MYEF2: variants seen among roughly 807,000 people sequenced by gnomAD.
MYEF2 encodes myelin expression factor 2, also known as myelin gene expression factor 2.
A neutral mutation model predicts 75.2 loss-of-function variants in MYEF2; 37 were observed. That is an observed-to-expected ratio of 0.49 (90% CI 0.38 to 0.65). The LOEUF is 0.65. Ranked by LOEUF, MYEF2 falls within the 30% of genes least tolerant of loss-of-function variation. The pLI, the probability that MYEF2 is intolerant of heterozygous loss-of-function variation, is 0.00. For synonymous variants in MYEF2, 195 were observed against 241.6 expected (o/e 0.81, Z 1.79); for missense variants, 634 against 771.4 (o/e 0.82, Z 2.11).
chr15:48,153,434 C>T (rs1282520669), intron 10 of MYEF2: 1 of 154,748 alleles, frequency 6.5e-6, no homozygotes, highest in Non-Finnish European at 1.4e-5. Context: ...TGAAAAGCCA[C>T]CTTCCCAAAT....
At chr15:48,177,524 G>C (rs558296653) in intron 1 of MYEF2, among the ~76,000 whole-genome samples, 180 of 152,140 alleles carry the variant, frequency 1.2e-3, no homozygotes, top group African/African-American at 4.2e-3. Flanking sequence ...GAGTCTAACA[G>C]CACATTATTA....
chr15:48,161,487 T>C (rs1474663811), intron 5 of MYEF2, among the ~76,000 whole-genome samples: 1 of 151,702 alleles, frequency 6.6e-6, no homozygotes, highest in African/African-American at 2.4e-5. Flanking sequence ...TTCAAAAAAG[T>C]CAACTGAATA....
At chr15:48,169,538 T>A (rs948279711) in intron 1 of MYEF2, among the ~76,000 whole-genome samples, 2 of 151,958 alleles carry the variant, frequency 1.3e-5, no homozygotes, top group African/African-American at 4.8e-5. Flanking sequence ...TTACCTACAA[T>A]GGGTAATGTA....
intron 5 of MYEF2, among the ~76,000 whole-genome samples, chr15:48,160,396 T>G (rs2039891201): frequency 6.6e-6 from 1 of 151,862 alleles, no homozygotes; most frequent in Non-Finnish European, 1.5e-5. Flanking sequence ...GGGCTAAATG[T>G]CCAAGTGAGA....
At chr15:48,176,530 C>T (rs2040526297) in intron 1 of MYEF2, among the ~76,000 whole-genome samples, 1 of 152,044 alleles carries the variant, frequency 6.6e-6, no homozygotes, top group African/African-American at 2.4e-5. Flanking sequence ...CATGAAGAGA[C>T]TTTAGAAGGG....
At chr15:48,169,530 A>G (rs1458935959) in intron 1 of MYEF2, among the ~76,000 whole-genome samples, 1 of 152,108 alleles carries the variant, frequency 6.6e-6, no homozygotes, top group Non-Finnish European at 1.5e-5. Context: ...CATTAATATT[A>G]CCTACAATGG....
chr15:48,171,268 T>G (rs1343131686), intron 1 of MYEF2, among the ~76,000 whole-genome samples: 1 of 152,216 alleles, frequency 6.6e-6, no homozygotes, highest in Non-Finnish European at 1.5e-5. Flanking sequence ...TAAGCAGATA[T>G]CTATATAGTC....
chr15:48,153,611 G>A, intron 10 of MYEF2, 181 bp downstream of exon 10: 1 of 556,496 alleles, frequency 1.8e-6, no homozygotes, highest in Non-Finnish European at 3.2e-6. Flanking sequence ...CCTGACTTCT[G>A]CCTATCTCTT....
intron 5 of MYEF2, among the ~76,000 whole-genome samples, chr15:48,165,629 T>C (rs997583435): frequency 6.6e-6 from 1 of 151,992 alleles, no homozygotes; most frequent in Non-Finnish European, 1.5e-5. Context: ...ATATTGAAAA[T>C]GTCTGTACCA....
intron 1 of MYEF2, among the ~76,000 whole-genome samples, chr15:48,176,026 T>A (rs955111558): frequency 6.6e-6 from 1 of 152,050 alleles, no homozygotes; most frequent in Non-Finnish European, 1.5e-5. Flanking sequence ...AACTATGGAT[T>A]AACCTCAGCA....
chr15:48,136,931 TAA>T lies in MYEF2; in HGVS notation c.*5975_*5976del. On this transcript the variant is annotated 3_prime_UTR_variant, in exon 17 of 17. Transcript: ENST00000324324. Reference sequence around the variant, plus strand: ...GATTCTGGCTACTCTCAGCTCTCTATAAGTTTACATGGCCTTAGTCAGGTTTC... The same window carrying T: ...GATTCTGGCTACTCTCAGCTCTCTATGTTTACATGGCCTTAGTCAGGTTTC... The T allele has an allele frequency of 3.7e-6, 6 of 1,613,452 alleles. No individual in the cohort carries two copies. The highest frequency in any genetic ancestry group is 4.2e-6 in the Non-Finnish European group (5 of 1,179,484).
chr15:48,151,382 T>G, intron 13 of MYEF2, 91 bp downstream of exon 13: 1 of 1,248,552 alleles, frequency 8.0e-7, no homozygotes, highest in Non-Finnish European at 1.2e-6. Context: ...TAAAACATTA[T>G]GATTTTCTGA....
intron 1 of MYEF2, among the ~76,000 whole-genome samples, chr15:48,171,633 C>T (rs1441739239): frequency 6.6e-6 from 1 of 151,852 alleles, no homozygotes; most frequent in Admixed American, 6.6e-5. Flanking sequence ...CTATAAAAGG[C>T]ATAACAGTTG....
rs200591805 is a variant in MYEF2 at position 48,160,486 on chromosome 15, T to TACATACACACACACACACACACAC, written c.526-683_526-682insGTGTGTGTGTGTGTGTGTGTATGT. On this transcript the variant is annotated intron_variant, in intron 5 of 16. Coordinates refer to ENST00000324324, the MANE Select transcript of MYEF2 (RefSeq NM_016132.5). ...CCCTACCTTTAAACAAAACCAAACA[T>TACATACACACACACACACACACAC]ACACACACACACACACACACACACA... Among the ~76,000 whole-genome samples the TACATACACACACACACACACACAC allele has an allele frequency of 3.0e-3, 424 of 139,272 alleles. 1 individual carries two copies. Among genetic ancestry groups the TACATACACACACACACACACACAC allele is most frequent in the African/African-American group, 0.011 (414 of 37,894 alleles). The allele number at this position is 139,272 out of a possible 152,430, so 91.4% of individuals were successfully genotyped here. A position where few individuals can be genotyped will look rare whatever the true frequency, so the allele number is the denominator to read the frequency against.
At chr15:48,158,947 A>ACATACCTAATAAATCCATCTCCC in intron 6 of MYEF2, 25 bp from the exon 7 acceptor site, 1 of 1,601,450 alleles carries the variant, frequency 6.2e-7, no homozygotes, top group South Asian at 1.1e-5. Flanking sequence ...GTATAAAGTT[A>ACATACCTAATAAATCCATCTCCC]CATACCTAAT....
rs1054484479 is a variant in MYEF2 at position 48,158,890 on chromosome 15, C to T, written c.750G>A (p.Lys250=). Reference sequence around the variant, plus strand: ...CAGTTCCAGCTATGCTGAACACTTCCTTTAGCTTCTTCCAACCAACTTTGA... The same window carrying T: ...CAGTTCCAGCTATGCTGAACACTTCTTTTAGCTTCTTCCAACCAACTTTGA... ...LDFKVGWKKL[K]EVFSIAGTVK... The change falls in exon 7 of 17, where the codon AAG becomes AAA. Residue 250 remains lysine, a synonymous_variant. Transcript: ENST00000324324. 6.2e-7 allele frequency: 1 copy of T among 1,613,496 alleles called. No individual in the cohort carries two copies. Among genetic ancestry groups the T allele is most frequent in the South Asian group, 1.1e-5 (1 of 91,036 alleles).
rs969065711 is a variant in MYEF2, at chr15:48,138,206, C to G, written c.*4702G>C. The G allele has an allele frequency of 1.3e-5, 2 of 151,946 alleles. No homozygotes were observed. Among genetic ancestry groups the G allele is most frequent in the Non-Finnish European group, 2.9e-5 (2 of 67,902 alleles). 9.4% of individuals were successfully genotyped at this position (151,946 alleles called of 1,614,324 possible). A position where few individuals can be genotyped will look rare whatever the true frequency, so the allele number is the denominator to read the frequency against. ...AACTTTTTATGAGTTGTTGTACTAA[C>G]ATTAGTTTTAACATGATTTCATCCA... is the stretch of plus-strand genomic sequence containing the variant. On this transcript the variant is annotated 3_prime_UTR_variant, in exon 17 of 17. Transcript: ENST00000324324.
At chr15:48,146,954 T>C (rs1208801607) in intron 16 of MYEF2, among the ~76,000 whole-genome samples, 1 of 151,926 alleles carries the variant, frequency 6.6e-6, no homozygotes, top group Non-Finnish European at 1.5e-5. Flanking sequence ...ATAAGGGAGA[T>C]ATAGGGAATT....
At chr15:48,167,427 TA>T in intron 2 of MYEF2, 26 bp from the exon 3 acceptor site, 1 of 1,608,924 alleles carries the variant, frequency 6.2e-7, no homozygotes, top group Non-Finnish European at 8.5e-7. Context: ...AAAAGGAAGA[TA>T]CCAAGAAACA....
Sources: allele counts gnomAD v4.1 joint callset (sites outside exome capture counted in the v4.1 genomes callset), GRCh38; gene constraint gnomAD v4.1.1; transcripts MANE v1.5; gene names NCBI Gene and HGNC (gene_info 2026-07-23, HGNC 2026-07-21).